Variants in HTR7 observed in about 807,000 individuals in gnomAD.
The protein encoded by HTR7 is 5-hydroxytryptamine receptor 7, also known as 5-HT-7.
HTR7 carries 16 observed loss-of-function variants against 34.0 expected under a neutral mutation model. That is an observed-to-expected ratio of 0.47 (90% CI 0.32 to 0.71). HTR7 has a LOEUF of 0.71. Ranked by LOEUF, HTR7 falls within the 30% of genes least tolerant of loss-of-function variation. HTR7 has a pLI of 0.04. For synonymous variants in HTR7, 265 were observed against 260.2 expected (o/e 1.02, Z -0.18); for missense variants, 504 against 625.5 (o/e 0.81, Z 2.07).
chr10:90,820,742 C>CCCAG (rs2120008514), intron 1 of HTR7, among the ~76,000 whole-genome samples: 1 of 152,212 alleles, frequency 6.6e-6, no homozygotes, highest in East Asian at 1.9e-4. Context: ...AAAGCATTTA[C>CCCAG]CCAGACAGAA....
chr10:90,831,669 T>A (rs1846181566), intron 1 of HTR7, among the ~76,000 whole-genome samples: 2 of 152,202 alleles, frequency 1.3e-5, no homozygotes, highest in Non-Finnish European at 2.9e-5. Context: ...AGCCGATTGG[T>A]CTGTTTTACA....
chr10:90,808,538 G>A (rs986560023), intron 1 of HTR7, among the ~76,000 whole-genome samples: 8 of 150,670 alleles, frequency 5.3e-5, no homozygotes, highest in Non-Finnish European at 1.0e-4. Flanking sequence ...TTATTTCCAC[G>A]CCCCAACCTG....
intron 1 of HTR7, among the ~76,000 whole-genome samples, chr10:90,771,941 A>C (rs1213915076): frequency 1.3e-5 from 2 of 152,240 alleles, no homozygotes; most frequent in Non-Finnish European, 2.9e-5. Flanking sequence ...AGGGAAAAAA[A>C]AGTAAAAGAT....
chr10:90,821,504 G>C (rs762093911), intron 1 of HTR7, among the ~76,000 whole-genome samples: 1 of 152,216 alleles, frequency 6.6e-6, no homozygotes, highest in Non-Finnish European at 1.5e-5. Flanking sequence ...AGCAAGCCTT[G>C]CCACTGCAGG....
chr10:90,752,196 G>C (rs1352164479), intron 1 of HTR7, among the ~76,000 whole-genome samples: 3 of 151,350 alleles, frequency 2.0e-5, no homozygotes, highest in African/African-American at 7.3e-5. Context: ...AATATTACTA[G>C]AAAAAAAATG....
chr10:90,815,612 T>C (rs934092425), intron 1 of HTR7, among the ~76,000 whole-genome samples: 6 of 152,104 alleles, frequency 3.9e-5, no homozygotes, highest in Admixed American at 3.9e-4. Flanking sequence ...GAATAGCTAA[T>C]GAACACTGGG....
intron 1 of HTR7, among the ~76,000 whole-genome samples, chr10:90,821,115 C>T (rs1845971544): frequency 7.6e-6 from 1 of 131,880 alleles, no homozygotes; most frequent in East Asian, 2.2e-4. Flanking sequence ...TACACACTCA[C>T]ACAAACACAC....
chr10:90,824,935 G>A (rs1846046466), intron 1 of HTR7, among the ~76,000 whole-genome samples: 1 of 152,242 alleles, frequency 6.6e-6, no homozygotes, highest in Non-Finnish European at 1.5e-5. Context: ...GAAGGGGAAG[G>A]CTGGCTGGCT....
chr10:90,853,392 C>T lies in HTR7; in HGVS notation c.539+3741G>A, dbSNP rs190899955. ...CCTCAACCTCCTGGGCCAAAGTGAT[C>T]CTCCCACCTCAGCTTCCCAAGTAAT... On this transcript the variant is annotated intron_variant, in intron 1 of 3. Transcript: ENST00000336152. Among the ~76,000 whole-genome samples, 125 of 149,976 alleles carry T rather than the reference C, an allele frequency of 8.3e-4. 1 individual carries two copies. The highest frequency in any genetic ancestry group is 5.9e-3 in the Admixed American group (88 of 15,000).
intron 1 of HTR7, among the ~76,000 whole-genome samples, chr10:90,757,897 TAATA>T (rs1844860557): frequency 1.3e-5 from 2 of 152,166 alleles, no homozygotes; most frequent in African/African-American, 4.8e-5. Context: ...TAAGAGACCT[TAATA>T]AATATATGTG....
chr10:90,825,084 ATAT>A (rs1846048657), intron 1 of HTR7, among the ~76,000 whole-genome samples: 1 of 152,214 alleles, frequency 6.6e-6, no homozygotes, highest in Non-Finnish European at 1.5e-5. Flanking sequence ...AGGGCTACTT[ATAT>A]AACCCCTTTC....
intron 1 of HTR7, among the ~76,000 whole-genome samples, chr10:90,831,592 G>A (rs1476492659): frequency 2.6e-5 from 4 of 152,186 alleles, no homozygotes; most frequent in African/African-American, 4.8e-5. Flanking sequence ...CTGCTGGCTC[G>A]CGCAGCCTGC....
intron 1 of HTR7, among the ~76,000 whole-genome samples, chr10:90,840,204 C>T (rs565545209): frequency 1.3e-5 from 2 of 151,764 alleles, no homozygotes; most frequent in East Asian, 3.9e-4. Context: ...CACACACACA[C>T]ACACACACAC....
At chr10:90,838,229 A>G (rs144808171) in intron 1 of HTR7, among the ~76,000 whole-genome samples, 1,734 of 152,278 alleles carry the variant, frequency 0.011, 34 homozygotes, top group African/African-American at 0.039. Flanking sequence ...CACCAATTCT[A>G]CTACCATCAT....
intron 1 of HTR7, among the ~76,000 whole-genome samples, chr10:90,832,096 G>A (rs1204116660): frequency 6.6e-6 from 1 of 152,226 alleles, no homozygotes; most frequent in African/African-American, 2.4e-5. Flanking sequence ...TCAGACTCAG[G>A]AGCCCAGCTG....
At chr10:90,746,442 C>T (rs183086261) in intron 2 of HTR7, among the ~76,000 whole-genome samples, 13 of 152,114 alleles carry the variant, frequency 8.5e-5, no homozygotes, top group Non-Finnish European at 1.8e-4. Context: ...CTGTTCTTTC[C>T]TACTTTATAC....
At chr10:90,743,527 G>A in intron 3 of HTR7, 66 bp downstream of exon 3, 2 of 1,276,624 alleles carry the variant, frequency 1.6e-6, no homozygotes, top group African/African-American at 1.5e-5. Flanking sequence ...TGCTCACATA[G>A]TTCATGTTCT....
At chr10:90,828,203 T>C (rs1022619445) in intron 1 of HTR7, among the ~76,000 whole-genome samples, 1 of 152,238 alleles carries the variant, frequency 6.6e-6, no homozygotes, top group Admixed American at 6.5e-5. Context: ...CTGTGGGATA[T>C]AGTGAAAGCA....
At chr10:90,823,085 T>G (rs747464612) in intron 1 of HTR7, among the ~76,000 whole-genome samples, 7 of 152,142 alleles carry the variant, frequency 4.6e-5, no homozygotes, top group Non-Finnish European at 1.0e-4. Context: ...TATGGGGAAA[T>G]GTGGAGTTAG....
Sources: gnomAD v4.1 joint callset for allele counts (sites outside exome capture counted in the v4.1 genomes callset) on GRCh38, gnomAD v4.1.1 for gene constraint, MANE v1.5 for transcripts, NCBI Gene and HGNC (gene_info 2026-07-23, HGNC 2026-07-21) for gene names.